PPP4R4: variants seen among roughly 807,000 people sequenced by gnomAD.
PPP4R4 encodes serine/threonine-protein phosphatase 4 regulatory subunit 4.
PPP4R4 carries 70 observed loss-of-function variants against 121.8 expected under a neutral mutation model. That is an observed-to-expected ratio of 0.57 (90% CI 0.47 to 0.70). The LOEUF (loss-of-function observed/expected upper bound fraction) is 0.70. PPP4R4 is among the 30% of genes least tolerant of loss of function. The probability of loss-of-function intolerance (pLI) is 0.00; values close to 1 mark genes in which losing one functional copy is unlikely to be tolerated. For missense variants in PPP4R4, 875 were observed against 1,033.6 expected, an observed-to-expected ratio of 0.85 and a Z score of 2.10; for synonymous variants, 348 against 355.7, an observed-to-expected ratio of 0.98 and a Z score of 0.24.
At chr14:94,227,725 G>A in intron 3 of PPP4R4, 1 of 1,008,452 alleles carries the variant, frequency 9.9e-7, no homozygotes, top group East Asian at 1.0e-4. Context: ...GGGCAGAATT[G>A]CATCTCTTGG....
At position 94,217,615 on chromosome 14, in the gene PPP4R4, T is replaced by TA. The variant is rs552422220; in HGVS notation, c.294+9058dup. ...TTTAAAGTAACTGTGATTTATATGG[T>TA]AAAAAAAAATCCACTGAAAAAACAA... On this transcript the variant is annotated intron_variant, in intron 3 of 24. Coordinates refer to ENST00000304338, the MANE Select transcript of PPP4R4 (RefSeq NM_058237.2). Among the ~76,000 whole-genome samples, 336 of 151,540 alleles carry TA rather than the reference T, an allele frequency of 2.2e-3. 2 individuals are homozygous for TA. The highest frequency in any genetic ancestry group is 7.3e-3 in the African/African-American group (302 of 41,294).
chr14:94,240,930 G>T, intron 9 of PPP4R4, 135 bp downstream of exon 9: 4 of 1,148,208 alleles, frequency 3.5e-6, no homozygotes, highest in Non-Finnish European at 4.5e-6. Context: ...TGAGATCTTA[G>T]AATTTTGATA....
intron 2 of PPP4R4, among the ~76,000 whole-genome samples, chr14:94,198,449 C>T (rs769350514): frequency 2.8e-4 from 43 of 152,102 alleles, no homozygotes; most frequent in Non-Finnish European, 5.1e-4. Context: ...ATTTATTTTG[C>T]AAATATTTTA....
At chr14:94,274,288 T>A (rs1176362054) in intron 23 of PPP4R4, among the ~76,000 whole-genome samples, 1 of 151,996 alleles carries the variant, frequency 6.6e-6, no homozygotes, top group Non-Finnish European at 1.5e-5. Flanking sequence ...ATCAACACAC[T>A]GGACTTAATC....
At chr14:94,260,268 T>C (rs1595536972) in intron 19 of PPP4R4, among the ~76,000 whole-genome samples, 1 of 151,680 alleles carries the variant, frequency 6.6e-6, no homozygotes, top group South Asian at 2.1e-4. Context: ...TACTAAAAAA[T>C]ACAAAAAATT....
chr14:94,177,761 A>G (rs1888757496), intron 2 of PPP4R4, among the ~76,000 whole-genome samples: 1 of 152,160 alleles, frequency 6.6e-6, no homozygotes, highest in Non-Finnish European at 1.5e-5. Context: ...TTTGTTAGCA[A>G]ACTAGGTTGT....
intron 3 of PPP4R4, among the ~76,000 whole-genome samples, chr14:94,218,508 G>GCA (rs1199279983): frequency 1.3e-5 from 1 of 76,080 alleles, no homozygotes; most frequent in Non-Finnish European, 2.3e-5. Context: ...CCGCACGCGC[G>GCA]CACACACACA....
chr14:94,215,001 T>C (rs1477817058), intron 3 of PPP4R4, among the ~76,000 whole-genome samples: 1 of 152,146 alleles, frequency 6.6e-6, no homozygotes, highest in Non-Finnish European at 1.5e-5. Flanking sequence ...TTGGGTCCTA[T>C]CCCCAAGGTA....
intron 3 of PPP4R4, among the ~76,000 whole-genome samples, chr14:94,211,158 G>A (rs1431832195): frequency 6.6e-6 from 1 of 152,180 alleles, no homozygotes; most frequent in Admixed American, 6.5e-5. Context: ...ACTGTTCGAA[G>A]CACTGGGAAA....
intron 13 of PPP4R4, among the ~76,000 whole-genome samples, chr14:94,245,936 T>C (rs1321654802): frequency 6.6e-6 from 1 of 152,216 alleles, no homozygotes; most frequent in East Asian, 1.9e-4. Flanking sequence ...GCATTAATGA[T>C]TATTCCAAGA....
intron 23 of PPP4R4, among the ~76,000 whole-genome samples, chr14:94,270,097 CTG>C (rs1894249559): frequency 6.6e-6 from 1 of 152,064 alleles, no homozygotes; most frequent in East Asian, 1.9e-4. Flanking sequence ...TAAATCAAAA[CTG>C]TTCTGAAAAA....
chr14:94,188,510 C>G (rs1229158969), intron 2 of PPP4R4, among the ~76,000 whole-genome samples: 1 of 152,036 alleles, frequency 6.6e-6, no homozygotes, highest in Non-Finnish European at 1.5e-5. Flanking sequence ...AGCATATGGA[C>G]CTAGTCTTTG....
At position 94,215,466 on chromosome 14, in the gene PPP4R4, C is replaced by T. The variant is rs937409476; in HGVS notation, c.294+6900C>T. On this transcript the variant is annotated intron_variant, in intron 3 of 24. Transcript: ENST00000304338. ...TCTGAGATAAGCATAATAAGCAGAT[C>T]ATGATGTTCCAGACCCTTACAGATC... 2.0e-5 allele frequency among the ~76,000 whole-genome samples: 3 copies of T among 152,122 alleles called. No homozygotes were observed. The East Asian group carries it at 5.8e-4, about 29-fold the overall frequency.
chr14:94,190,333 G>A (rs1051335127), intron 2 of PPP4R4, among the ~76,000 whole-genome samples: 4 of 152,094 alleles, frequency 2.6e-5, no homozygotes, highest in African/African-American at 9.7e-5. Context: ...TTTAGGCTGG[G>A]ATGGTGGCTC....
intron 17 of PPP4R4, among the ~76,000 whole-genome samples, chr14:94,257,519 TTTAA>T (rs1223190923): frequency 5.9e-5 from 9 of 152,072 alleles, no homozygotes; most frequent in Non-Finnish European, 1.0e-4. Flanking sequence ...TGAAGAATCT[TTTAA>T]TTAAGTGATT....
chr14:94,277,159 G>T (rs1385166815), intron 24 of PPP4R4, among the ~76,000 whole-genome samples: 2 of 152,272 alleles, frequency 1.3e-5, no homozygotes, highest in Non-Finnish European at 2.9e-5. Flanking sequence ...AAATTAGCTA[G>T]CTGTGGTGGC....
At chr14:94,181,213 A>G (rs796516880) in intron 2 of PPP4R4, among the ~76,000 whole-genome samples, 6 of 151,792 alleles carry the variant, frequency 4.0e-5, no homozygotes, top group African/African-American at 1.4e-4. Flanking sequence ...TTAGTGAGGC[A>G]TGGTTTGTGT....
At chr14:94,221,720 A>G (rs1229770534) in intron 3 of PPP4R4, among the ~76,000 whole-genome samples, 1 of 152,088 alleles carries the variant, frequency 6.6e-6, no homozygotes, top group Admixed American at 6.5e-5. Flanking sequence ...GTATTGTGGA[A>G]GACTGTAGAG....
intron 2 of PPP4R4, among the ~76,000 whole-genome samples, chr14:94,178,560 G>A (rs966929841): frequency 6.6e-6 from 1 of 151,906 alleles, no homozygotes; most frequent in African/African-American, 2.4e-5. Context: ...TATATATAGA[G>A]TACTGTCATC....
Sources: allele counts gnomAD v4.1 joint callset (sites outside exome capture counted in the v4.1 genomes callset), GRCh38; gene constraint gnomAD v4.1.1; transcripts MANE v1.5; gene names NCBI Gene and HGNC (gene_info 2026-07-23, HGNC 2026-07-21).